PHKB: variants seen among roughly 807,000 people sequenced by gnomAD.
PHKB encodes the protein phosphorylase kinase regulatory subunit beta, also known as phosphorylase b kinase regulatory subunit beta.
In PHKB, 122 loss-of-function variants were observed where a neutral mutation model predicts 152.1. The ratio of observed to expected loss-of-function variants is 0.80; its 90% CI spans 0.69 to 0.93. The LOEUF (loss-of-function observed/expected upper bound fraction) is 0.93, where lower values mean the gene tolerates loss of function less well. Among genes scored for constraint, PHKB ranks in the 40% least tolerant of loss-of-function variants. The pLI is 0.00. For missense variants in PHKB, 1,304 were observed against 1,328.4 expected (o/e 0.98, Z 0.29); for synonymous variants, 436 against 464.9 (o/e 0.94, Z 0.80).
chr16:47,600,922 T>C (rs2151704199), intron 13 of PHKB, among the ~76,000 whole-genome samples: 1 of 152,352 alleles, frequency 6.6e-6, no homozygotes, highest in East Asian at 1.9e-4. Flanking sequence ...GGCAGGCAGA[T>C]GGCTTGAGCC....
chr16:47,484,516 TC>T (rs1970018229), intron 1 of PHKB, among the ~76,000 whole-genome samples: 1 of 152,164 alleles, frequency 6.6e-6, no homozygotes, highest in Admixed American at 6.5e-5. Context: ...TGGAGCAATC[TC>T]CTGTTTAAAG....
chr16:47,495,614 T>C (rs1476590201), intron 1 of PHKB, among the ~76,000 whole-genome samples: 1 of 152,200 alleles, frequency 6.6e-6, no homozygotes, highest in South Asian at 2.1e-4. Context: ...TCTTTCATAG[T>C]GAATGAGCTT....
intron 26 of PHKB, among the ~76,000 whole-genome samples, chr16:47,680,802 C>T (rs1343321416): frequency 6.6e-6 from 1 of 151,956 alleles, no homozygotes; most frequent in African/African-American, 2.4e-5. Context: ...CATTTCTTGC[C>T]TTCTGCTAGC....
chr16:47,682,592 G>A (rs1016588760), intron 26 of PHKB, among the ~76,000 whole-genome samples: 4 of 152,214 alleles, frequency 2.6e-5, no homozygotes, highest in Non-Finnish European at 5.9e-5. Context: ...CATAGTTCTC[G>A]AGCCTTGGCT....
intron 6 of PHKB, among the ~76,000 whole-genome samples, chr16:47,517,996 C>G (rs764240400): frequency 6.6e-6 from 1 of 152,122 alleles, no homozygotes; most frequent in African/African-American, 2.4e-5. Flanking sequence ...TTCTTTTTAT[C>G]TAAAGATCTC....
At chr16:47,554,503 G>GC (rs1447226616) in intron 7 of PHKB, among the ~76,000 whole-genome samples, 2 of 152,116 alleles carry the variant, frequency 1.3e-5, no homozygotes, top group Non-Finnish European at 2.9e-5. Flanking sequence ...CCTGGCTTCA[G>GC]CCCCCTTTCC....
At chr16:47,668,603 T>C (rs1973580813) in intron 25 of PHKB, among the ~76,000 whole-genome samples, 1 of 152,132 alleles carries the variant, frequency 6.6e-6, no homozygotes, top group Admixed American at 6.5e-5. Context: ...TTTCACTCTA[T>C]GCTGTCTCCT....
chr16:47,638,514 C>T (rs541348035), intron 14 of PHKB, among the ~76,000 whole-genome samples: 1 of 152,312 alleles, frequency 6.6e-6, no homozygotes, highest in South Asian at 2.1e-4. Context: ...TTGGAAACCA[C>T]TTAAATATCC....
intron 8 of PHKB, among the ~76,000 whole-genome samples, chr16:47,586,617 G>T (rs1971939528): frequency 6.6e-6 from 1 of 152,194 alleles, no homozygotes; most frequent in Non-Finnish European, 1.5e-5. Flanking sequence ...CAGTGTAGGT[G>T]ATTGGTTGGA....
chr16:47,602,088 T>C (rs974017326), intron 13 of PHKB, among the ~76,000 whole-genome samples: 1 of 151,812 alleles, frequency 6.6e-6, no homozygotes, highest in Non-Finnish European at 1.5e-5. Context: ...GACAAGAGAG[T>C]TTCACTCTGT....
chr16:47,563,553 A>T (rs949432200), intron 7 of PHKB, among the ~76,000 whole-genome samples: 1 of 152,154 alleles, frequency 6.6e-6, no homozygotes, highest in Non-Finnish European at 1.5e-5. Context: ...ACCATGCTGT[A>T]AAAAGATGTG....
intron 26 of PHKB, among the ~76,000 whole-genome samples, chr16:47,681,191 T>C (rs952311789): frequency 4.6e-5 from 7 of 152,182 alleles, no homozygotes; most frequent in Non-Finnish European, 8.8e-5. Context: ...TACTTCCAAC[T>C]ATGTAGTCAG....
intron 14 of PHKB, among the ~76,000 whole-genome samples, chr16:47,640,474 G>A (rs933658495): frequency 1.3e-5 from 2 of 152,102 alleles, no homozygotes; most frequent in African/African-American, 4.8e-5. Context: ...CCAACAGCTT[G>A]CATTTAATGA....
At chr16:47,489,852 G>GA (rs1970116896) in intron 1 of PHKB, among the ~76,000 whole-genome samples, 2 of 152,256 alleles carry the variant, frequency 1.3e-5, no homozygotes, top group Non-Finnish European at 2.9e-5. Flanking sequence ...TGCTGCAAAA[G>GA]AAAAATGGAT....
intron 14 of PHKB, among the ~76,000 whole-genome samples, chr16:47,622,237 A>C (rs771633760): frequency 1.3e-5 from 2 of 152,208 alleles, no homozygotes; most frequent in African/African-American, 4.8e-5. Context: ...TTGTGAACTT[A>C]ACCTGAAATT....
rs79410378 is a variant in PHKB, at chr16:47,677,305, C to G, written c.2630+7888C>G. Among the ~76,000 whole-genome samples, 8 of 152,308 alleles carry G rather than the reference C, an allele frequency of 5.3e-5. No individual in the cohort carries two copies. The South Asian group carries it at 1.7e-3, about 32-fold the overall frequency. ...CAGTTTGCCTCATCAAATTGTATTC[C>G]TCTCCATATTAATATGAATCAAGCA... On this transcript the variant is annotated intron_variant, in intron 26 of 30. Transcript: ENST00000323584.
At chr16:47,696,896 A>C (rs922055452) in intron 29 of PHKB, among the ~76,000 whole-genome samples, 2 of 152,246 alleles carry the variant, frequency 1.3e-5, no homozygotes, top group African/African-American at 4.8e-5. Context: ...CAGTTTAGAA[A>C]ATTATAGAAA....
At chr16:47,664,670 TGGTA>T in intron 24 of PHKB, 1 of 566,698 alleles carries the variant, frequency 1.8e-6, no homozygotes, top group South Asian at 2.0e-5. Flanking sequence ...GTGATAGTTC[TGGTA>T]AACTTTCTTA....
chr16:47,515,342 A>G (rs1970577370), intron 5 of PHKB, among the ~76,000 whole-genome samples, 179 bp from the exon 6 acceptor site: 1 of 152,246 alleles, frequency 6.6e-6, no homozygotes. Flanking sequence ...AGAATTTTAC[A>G]TACAAAGCTG....
Sources: gnomAD v4.1 joint callset for allele counts (sites outside exome capture counted in the v4.1 genomes callset) on GRCh38, gnomAD v4.1.1 for gene constraint, MANE v1.5 for transcripts, NCBI Gene and HGNC (gene_info 2026-07-23, HGNC 2026-07-21) for gene names.